Variants in LLGL2 observed in about 807,000 individuals in gnomAD.
The protein encoded by LLGL2 is LLGL2, scribble cell polarity complex component.
Under a neutral mutation model 123.2 loss-of-function variants are expected in LLGL2, and 81 were observed. That is an observed-to-expected ratio of 0.66 (90% CI 0.55 to 0.79). LLGL2 has a LOEUF of 0.79. LLGL2 is among the 30% of genes least tolerant of loss of function. The probability of loss-of-function intolerance (pLI) is 0.00; values close to 1 mark genes in which losing one functional copy is unlikely to be tolerated. For synonymous variants in LLGL2, 577 were observed against 594.1 expected, an observed-to-expected ratio of 0.97 and a Z score of 0.42; for missense variants, 1,273 against 1,414.6, an observed-to-expected ratio of 0.90 and a Z score of 1.61.
intron 1 of LLGL2, among the ~76,000 whole-genome samples, chr17:75,532,725 C>A (rs865894131): frequency 6.6e-6 from 1 of 152,106 alleles, no homozygotes; most frequent in African/African-American, 2.4e-5. Context: ...GCGCCCAGCC[C>A]TCTAGTAAAT....
chr17:75,556,821 T>C (rs913840594), intron 3 of LLGL2, among the ~76,000 whole-genome samples: 2 of 151,884 alleles, frequency 1.3e-5, no homozygotes, highest in African/African-American at 4.8e-5. Flanking sequence ...AGGTCAGGAG[T>C]TCAAGGCCAG....
At chr17:75,526,540 TG>T (rs916659267) in intron 1 of LLGL2, among the ~76,000 whole-genome samples, 73 of 152,272 alleles carry the variant, frequency 4.8e-4, no homozygotes, top group African/African-American at 1.7e-3. Context: ...CGCTGGGCCT[TG>T]GCTGTGGGGA....
rs1003737097 is a variant in LLGL2, at chr17:75,574,239, C to G, written c.2932C>G (p.Arg978Gly). The change falls in exon 23 of 26, where the codon CGC (arginine) becomes GGC (glycine). Residue 978 changes from arginine to glycine, a missense_variant. Arg to Gly is a moderately radical substitution (Grantham distance 125). Transcript: ENST00000392550. ...EEKQPGLVME[R>G]ALLSDERVLK... ...GAAGCAGCCCGGCCTGGTGATGGAG[C>G]GCGCTCTGCTCAGTGATGAGAGTGA... 7.1e-7 allele frequency: 1 copy of G among 1,414,970 alleles called. No individual in the cohort carries two copies. Among genetic ancestry groups the G allele is most frequent in the South Asian group, 1.2e-5 (1 of 81,238 alleles). The allele number at this position is 1,414,970 out of a possible 1,614,324, so 87.7% of individuals were successfully genotyped here.
At chr17:75,533,724 A>G (rs2053900255) in intron 1 of LLGL2, 1 of 152,250 alleles carries the variant, frequency 6.6e-6, no homozygotes. Context: ...CCTGACTGAC[A>G]GAAAGTAAAA....
At chr17:75,550,918 C>G (rs953812295) in intron 2 of LLGL2, among the ~76,000 whole-genome samples, 2 of 152,152 alleles carry the variant, frequency 1.3e-5, no homozygotes, top group African/African-American at 4.8e-5. Context: ...TCTAGCTTCT[C>G]CCTGTCCCTT....
chr17:75,574,399 G>A, intron 23 of LLGL2, 54 bp from the exon 24 acceptor site: 5 of 1,545,716 alleles, frequency 3.2e-6, no homozygotes, highest in Non-Finnish European at 2.6e-6. Flanking sequence ...TGGAAGGGCT[G>A]TGGCTAGCCG....
intron 2 of LLGL2, among the ~76,000 whole-genome samples, chr17:75,548,179 C>T (rs941338903): frequency 1.4e-5 from 2 of 140,220 alleles, no homozygotes; most frequent in African/African-American, 2.5e-5. Context: ...ACCCTCTATT[C>T]GCAATCATTT....
chr17:75,570,993 A>G lies in LLGL2; in HGVS notation c.2069A>G (p.Asn690Ser). The stretch of plus-strand genomic sequence containing the variant: ...AAGGCTGAGCGGCCAGGCCTCCAGA[A>G]CATGGAGCTGGCGCCTGTGCAGCGC... ...SAKAERPGLQ[N>S]MELAPVQRKI... is the part of the protein sequence containing the mutation. The change falls in exon 17 of 26, where the codon AAC becomes AGC. Residue 690 changes from asparagine (N) to serine (S), a missense_variant. Physicochemically the swap from Asn to Ser is conservative, Grantham distance 46 (BLOSUM62 1). Coordinates refer to ENST00000392550, the MANE Select transcript of LLGL2 (RefSeq NM_001031803.2). 1 of 1,612,864 alleles carries G rather than the reference A, an allele frequency of 6.2e-7. No homozygotes were observed. The highest frequency in any genetic ancestry group is 1.1e-5 in the South Asian group (1 of 91,068).
Position 75,549,911 on chromosome 17 carries a change from C to G in LLGL2, c.76-6135C>G, listed in dbSNP as rs890506652. On this transcript the variant is annotated intron_variant, in intron 2 of 25. Transcript: ENST00000392550. This position sits in a 1 kb window ranked among gnomAD's most constrained non-coding sequence, Gnocchi z 4.0. ...GGAGAGACGGGCCTTCTCCCCTACTCCAGGCTAACGTTGCAGTCTGGCGGC... is the reference window on the plus strand; with the variant it reads ...GGAGAGACGGGCCTTCTCCCCTACTGCAGGCTAACGTTGCAGTCTGGCGGC... Among the ~76,000 whole-genome samples the G allele has an allele frequency of 2.0e-5, 3 of 152,246 alleles. No individual in the cohort carries two copies. The highest frequency in any genetic ancestry group is 6.5e-5 in the Admixed American group (1 of 15,292).
intron 1 of LLGL2, among the ~76,000 whole-genome samples, chr17:75,542,350 G>A (rs1025895644): frequency 2.0e-5 from 3 of 152,038 alleles, no homozygotes; most frequent in Non-Finnish European, 4.4e-5. Context: ...GTCCCTGCCT[G>A]GAGCACGCGC....
At chr17:75,552,629 A>G (rs2054729089) in intron 2 of LLGL2, among the ~76,000 whole-genome samples, 1 of 152,234 alleles carries the variant, frequency 6.6e-6, no homozygotes, top group East Asian at 1.9e-4. Flanking sequence ...GGCACATCTC[A>G]GTTCAGACAT....
chr17:75,563,377 G>A lies in LLGL2; in HGVS notation c.740G>A (p.Ser247Asn). ...CAGCGGGACGGCCGCCTGCTCGTCA[G>A]CTGTCACTCTGACGGCAGCTACTGC... Reference protein sequence around the residue: ...WWQRDGRLLVSCHSDGSYCQW... With the variant: ...WWQRDGRLLVNCHSDGSYCQW... The change falls in exon 8 of 26, where the codon AGC becomes AAC. Residue 247 changes from serine (S) to asparagine (N), a missense_variant. Transcript: ENST00000392550. The A allele has an allele frequency of 6.2e-7, 1 of 1,612,910 alleles. No homozygotes were observed. The highest frequency in any genetic ancestry group is 8.5e-7 in the Non-Finnish European group (1 of 1,180,040).
chr17:75,570,792 C>T (rs2055669503), intron 16 of LLGL2, among the ~76,000 whole-genome samples, 158 bp from the exon 17 acceptor site: 2 of 152,322 alleles, frequency 1.3e-5, no homozygotes, highest in African/African-American at 2.4e-5. Context: ...CCCCCAAGGG[C>T]ACCTCCCTCT....
chr17:75,540,813 C>A (rs2054178210), intron 1 of LLGL2, among the ~76,000 whole-genome samples: 1 of 152,102 alleles, frequency 6.6e-6, no homozygotes, highest in Non-Finnish European at 1.5e-5. Flanking sequence ...AGATGGCTTC[C>A]CAGATCAGGG....
At chr17:75,573,655 C>CG in intron 21 of LLGL2, 24 bp downstream of exon 21, 3 of 1,462,504 alleles carry the variant, frequency 2.1e-6, no homozygotes, top group Non-Finnish European at 2.7e-6. Flanking sequence ...CCAGAGGCCT[C>CG]TCCCGCCCCT....
In LLGL2 at chr17:75,556,087, C is replaced by T. The variant is rs780391924; in HGVS notation, c.117C>T (p.Gly39=). ...TCCCGCACCAGCCCAGCGCCCTCGG[C>T]TACAGCCCGTCCCTGCGCATCCTGG... ...HGFPHQPSAL[G]YSPSLRILAI... Residue 39 remains glycine, a synonymous_variant, in exon 3 of 26, where the codon GGC becomes GGT. Transcript: ENST00000392550. The T allele has an allele frequency of 3.7e-6, 6 of 1,609,966 alleles. No individual in the cohort carries two copies. In the East Asian group the frequency reaches 1.3e-4, roughly 36 times the overall value.
chr17:75,540,889 C>T (rs1466446587), intron 1 of LLGL2, among the ~76,000 whole-genome samples: 1 of 152,192 alleles, frequency 6.6e-6, no homozygotes, highest in African/African-American at 2.4e-5. Context: ...CCAGGACATT[C>T]AGCGACCCAT....
At chr17:75,530,328 G>A (rs531767310) in intron 1 of LLGL2, among the ~76,000 whole-genome samples, 2 of 152,192 alleles carry the variant, frequency 1.3e-5, no homozygotes, top group African/African-American at 2.4e-5. Flanking sequence ...CAGTGAGATC[G>A]CGTCTCTACA....
intron 14 of LLGL2, among the ~76,000 whole-genome samples, 159 bp from the exon 15 acceptor site, chr17:75,569,801 CAAA>C (rs567857752): frequency 0.011 from 1,378 of 130,600 alleles, 16 homozygotes; most frequent in African/African-American, 0.031. Context: ...AGACTTGTCT[CAAA>C]AAAAAAAAAA....
Sources: gnomAD v4.1 joint callset for allele counts (sites outside exome capture counted in the v4.1 genomes callset) on GRCh38, gnomAD v4.1.1 for gene constraint, Gnocchi (gnomAD v3.1) non-coding constraint, MANE v1.5 for transcripts, NCBI Gene and HGNC (gene_info 2026-07-23, HGNC 2026-07-21) for gene names.